SPOCK1: variants seen among roughly 807,000 people sequenced by gnomAD.
SPOCK1 encodes the protein SPARC (osteonectin), cwcv and kazal like domains proteoglycan 1.
In SPOCK1, 23 loss-of-function variants were observed where a neutral mutation model predicts 55.3. The observed-to-expected ratio is 0.42, with a 90% CI of 0.30 to 0.59. SPOCK1 has a LOEUF of 0.59. SPOCK1 is among the 20% of genes least tolerant of loss of function. The pLI, the probability that SPOCK1 is intolerant of heterozygous loss-of-function variation, is 0.22. For missense variants in SPOCK1, 499 were observed against 552.5 expected, an observed-to-expected ratio of 0.90 and a Z score of 0.97; for synonymous variants, 226 against 221.0, an observed-to-expected ratio of 1.02 and a Z score of -0.20.
chr5:137,497,093 T>C (rs978816914), intron 2 of SPOCK1, among the ~76,000 whole-genome samples: 2 of 152,154 alleles, frequency 1.3e-5, no homozygotes, highest in African/African-American at 4.8e-5. Flanking sequence ...TGGAAACATC[T>C]GGGATTCATT....
At chr5:137,225,960 C>T (rs1755937821) in intron 3 of SPOCK1, among the ~76,000 whole-genome samples, 1 of 152,216 alleles carries the variant, frequency 6.6e-6, no homozygotes, top group Non-Finnish European at 1.5e-5. Flanking sequence ...GGGCAGCCTT[C>T]TTCCCACTTG....
At chr5:137,184,371 C>A (rs760157746) in intron 3 of SPOCK1, among the ~76,000 whole-genome samples, 5 of 152,152 alleles carry the variant, frequency 3.3e-5, no homozygotes, top group African/African-American at 1.2e-4. Flanking sequence ...AGCCTTCTCT[C>A]CCCTGGGCCC....
At chr5:137,060,969 C>A (rs947728543) in intron 6 of SPOCK1, among the ~76,000 whole-genome samples, 1 of 152,166 alleles carries the variant, frequency 6.6e-6, no homozygotes, top group Non-Finnish European at 1.5e-5. Flanking sequence ...CAATTTAATT[C>A]TCAAGCATTT....
At chr5:137,240,612 G>T (rs1756262849) in intron 3 of SPOCK1, among the ~76,000 whole-genome samples, 1 of 152,096 alleles carries the variant, frequency 6.6e-6, no homozygotes, top group Non-Finnish European at 1.5e-5. Flanking sequence ...TATCACACAG[G>T]AAGACAAACT....
intron 2 of SPOCK1, among the ~76,000 whole-genome samples, chr5:137,424,499 C>T (rs6596382): frequency 0.92 from 139,687 of 152,232 alleles, 64,838 homozygotes; most frequent in East Asian, 1. Flanking sequence ...ACTTACCCAA[C>T]AGAAGTTAAA....
At chr5:137,028,741 G>A (rs1264469695) in intron 6 of SPOCK1, among the ~76,000 whole-genome samples, 5 of 151,974 alleles carry the variant, frequency 3.3e-5, no homozygotes, top group Non-Finnish European at 7.4e-5. Flanking sequence ...CCCGAGACTC[G>A]ACCCCAGAAT....
At chr5:137,344,771 T>C (rs1262483505) in intron 2 of SPOCK1, among the ~76,000 whole-genome samples, 2 of 152,222 alleles carry the variant, frequency 1.3e-5, no homozygotes, top group Non-Finnish European at 2.9e-5. Flanking sequence ...GGTTTCTGGA[T>C]TCTACCGACA....
At chr5:137,275,862 C>T (rs1182380817) in intron 2 of SPOCK1, among the ~76,000 whole-genome samples, 1 of 152,206 alleles carries the variant, frequency 6.6e-6, no homozygotes. Context: ...ACGAAGTCAT[C>T]TTCACTTGCA....
intron 2 of SPOCK1, chr5:137,273,393 G>A (rs1757006543): frequency 1.0e-5 from 10 of 984,048 alleles, no homozygotes; most frequent in African/African-American, 5.3e-5. Context: ...TCCTGAGTAC[G>A]AAAGCATTAT....
intron 3 of SPOCK1, among the ~76,000 whole-genome samples, chr5:137,214,256 G>C (rs1755671212): frequency 6.6e-6 from 1 of 152,082 alleles, no homozygotes; most frequent in Admixed American, 6.6e-5. Context: ...AAGCTTGGAG[G>C]GGAGATATAT....
At chr5:137,204,535 C>G (rs1185230176) in intron 3 of SPOCK1, among the ~76,000 whole-genome samples, 1 of 152,058 alleles carries the variant, frequency 6.6e-6, no homozygotes, top group Admixed American at 6.5e-5. Flanking sequence ...CCTCATTTCT[C>G]TCATTCCCTT....
chr5:137,269,324 G>T (rs77926482), intron 2 of SPOCK1, among the ~76,000 whole-genome samples: 7,598 of 152,272 alleles, frequency 0.05, 640 homozygotes, highest in African/African-American at 0.17. Context: ...GATTGCTTTT[G>T]CCCTGCCTCA....
chr5:137,207,200 C>T (rs764019396), intron 3 of SPOCK1, among the ~76,000 whole-genome samples: 4 of 152,214 alleles, frequency 2.6e-5, no homozygotes, highest in Non-Finnish European at 5.9e-5. Flanking sequence ...TCCTTCCACG[C>T]CTGTCACCAG....
At chr5:137,115,835 G>A (rs565215590) in intron 4 of SPOCK1, among the ~76,000 whole-genome samples, 29 of 152,104 alleles carry the variant, frequency 1.9e-4, no homozygotes, top group Non-Finnish European at 3.8e-4. Context: ...CCTGGCTATT[G>A]TATATTTTAA....
chr5:137,495,172 T>A (rs954283658), intron 2 of SPOCK1, among the ~76,000 whole-genome samples: 1 of 152,208 alleles, frequency 6.6e-6, no homozygotes, highest in Non-Finnish European at 1.5e-5. Flanking sequence ...CTCCAGGGAA[T>A]AAGCCATGGA....
chr5:137,266,337 T>G (rs1319480702), intron 3 of SPOCK1, among the ~76,000 whole-genome samples: 1 of 152,152 alleles, frequency 6.6e-6, no homozygotes, highest in Non-Finnish European at 1.5e-5. Context: ...GCACCACACA[T>G]GGAACAACGG....
chr5:137,012,458 T>A (rs532854406), intron 6 of SPOCK1, among the ~76,000 whole-genome samples: 7 of 152,158 alleles, frequency 4.6e-5, no homozygotes, highest in African/African-American at 1.4e-4. Context: ...CAATTCCAAG[T>A]GATAGATTCA....
chr5:137,015,285 C>A (rs77320546), intron 6 of SPOCK1, among the ~76,000 whole-genome samples: 82 of 139,286 alleles, frequency 5.9e-4, no homozygotes, highest in Non-Finnish European at 5.5e-4. Context: ...ACTAAAAATA[C>A]AAAAAAAAAA....
chr5:137,419,607 G>A (rs1384309271), intron 2 of SPOCK1, among the ~76,000 whole-genome samples: 2 of 152,142 alleles, frequency 1.3e-5, no homozygotes, highest in African/African-American at 2.4e-5. Flanking sequence ...CTGTTTGTCT[G>A]TTATTGGTGT....
Sources: allele counts gnomAD v4.1 joint callset (sites outside exome capture counted in the v4.1 genomes callset), GRCh38; gene constraint gnomAD v4.1.1; transcripts MANE v1.5; gene names NCBI Gene and HGNC (gene_info 2026-07-23, HGNC 2026-07-21).